SP140L: variants seen among roughly 807,000 people sequenced by gnomAD.
SP140L encodes SP140 like nuclear body protein.
In SP140L, 64 loss-of-function variants were observed where a neutral mutation model predicts 84.3. The observed-to-expected ratio is 0.76, with a 90% confidence interval of 0.62 to 0.94. The LOEUF (loss-of-function observed/expected upper bound fraction) is 0.94, where lower values mean the gene tolerates loss of function less well. Ranked by LOEUF, SP140L falls within the 40% of genes least tolerant of loss-of-function variation. SP140L has a pLI of 0.00. For missense variants in SP140L, 628 were observed against 692.5 expected, an observed-to-expected ratio of 0.91 and a Z score of 1.05; for synonymous variants, 242 against 236.9, an observed-to-expected ratio of 1.02 and a Z score of -0.20.
chr2:230,381,711 TACACACACACACACACACAC>T (rs71052506), intron 7 of SP140L, among the ~76,000 whole-genome samples: 5 of 147,056 alleles, frequency 3.4e-5, no homozygotes, highest in African/African-American at 1.0e-4. Flanking sequence ...CCTGTCTCTC[TACACACACACACACACACAC>T]ACACACACAC....
intron 2 of SP140L, 101 bp downstream of exon 2, chr2:230,328,932 T>A: frequency 6.9e-7 from 1 of 1,444,842 alleles, no homozygotes; most frequent in South Asian, 1.5e-5. Context: ...TCCTCTTCCA[T>A]AATTTTTTTG....
At chr2:230,391,982 ATCT>A (rs1161299321) in intron 11 of SP140L, 102 bp from the exon 12 acceptor site, 2 of 1,499,094 alleles carry the variant, frequency 1.3e-6, no homozygotes, top group Non-Finnish European at 9.1e-7. Flanking sequence ...CCTGCTATTG[ATCT>A]TCATCACAAA....
At position 230,374,844 on chromosome 2, in the gene SP140L, A is replaced by G. The variant is rs138440906; in HGVS notation, c.637+3193A>G. Among the ~76,000 whole-genome samples the G allele has an allele frequency of 5.2e-3, 791 of 152,354 alleles. 2 individuals carry two copies. The highest frequency in any genetic ancestry group is 0.018 in the African/African-American group (754 of 41,582). ...AATGCTATTGAATACTTAATAGACT[A>G]CAGTATAGTATAAACATAATTTTCA... On this transcript the variant is annotated intron_variant, in intron 7 of 18. Transcript: ENST00000415673.
chr2:230,327,231 G>T lies in SP140L; in HGVS notation c.-39G>T, dbSNP rs778770058. 2 of 1,596,772 alleles carry T rather than the reference G, an allele frequency of 1.3e-6. No homozygotes were observed. The highest frequency in any genetic ancestry group is 1.7e-5 in the Admixed American group (1 of 57,376). The stretch of plus-strand genomic sequence containing the variant: ...GCTGGGCCGACTGGGGAGCTCATAG[G>T]CCAGGCTCTGACACCCAGGCAGGGC... On this transcript the variant is annotated 5_prime_UTR_variant, in exon 1 of 19. Transcript: ENST00000415673.
At chr2:230,382,822 T>C (rs768886359) in intron 7 of SP140L, among the ~76,000 whole-genome samples, 1 of 152,150 alleles carries the variant, frequency 6.6e-6, no homozygotes, top group Non-Finnish European at 1.5e-5. Context: ...TGCCCTCCCA[T>C]AGTGTGCAGA....
At chr2:230,395,061 C>CAGGTTCA (rs144096854) in intron 13 of SP140L, among the ~76,000 whole-genome samples, 40,427 of 151,482 alleles carry the variant, frequency 0.27, 5,723 homozygotes, top group Non-Finnish European at 0.31. Context: ...CTCAGCCTCG[C>CAGGTTCA]AGGTTCAAGC....
chr2:230,373,828 T>C (rs1337972510), intron 7 of SP140L, among the ~76,000 whole-genome samples: 1 of 152,204 alleles, frequency 6.6e-6, no homozygotes, highest in African/African-American at 2.4e-5. Context: ...GCAAAGTCAA[T>C]TGGAAACCTT....
At chr2:230,355,796 A>T (rs985381848) in intron 2 of SP140L, among the ~76,000 whole-genome samples, 4 of 152,176 alleles carry the variant, frequency 2.6e-5, no homozygotes, top group African/African-American at 9.6e-5. Context: ...TAAAGTCATT[A>T]ATTATAAAAG....
chr2:230,329,881 A>G (rs1207160694), intron 2 of SP140L, among the ~76,000 whole-genome samples: 1 of 152,146 alleles, frequency 6.6e-6, no homozygotes, highest in African/African-American at 2.4e-5. Flanking sequence ...ATTTTTGAGG[A>G]GGGATCTTAA....
intron 2 of SP140L, among the ~76,000 whole-genome samples, chr2:230,345,089 G>A (rs2060170245): frequency 6.6e-6 from 1 of 152,188 alleles, no homozygotes; most frequent in South Asian, 2.1e-4. Context: ...ATTGTTAAGG[G>A]TGAGGTATTA....
chr2:230,393,470 T>A lies in SP140L; in HGVS notation c.1155+9T>A. ...ATTACAGGAACAAAAAGGTGATTATTACATAATTTTCTACAGATTCTTGTC... is the reference window on the plus strand; with the variant it reads ...ATTACAGGAACAAAAAGGTGATTATAACATAATTTTCTACAGATTCTTGTC... On this transcript the variant is annotated intron_variant, in intron 13 of 18. Coordinates refer to ENST00000415673, the MANE Select transcript of SP140L (RefSeq NM_138402.6). The A allele has an allele frequency of 6.4e-7, 1 of 1,564,756 alleles. No individual in the cohort carries two copies.
At chr2:230,357,688 AC>A (rs2149730245) in intron 2 of SP140L, 116 bp from the exon 3 acceptor site, 10 of 990,706 alleles carry the variant, frequency 1.0e-5, no homozygotes, top group South Asian at 1.7e-5. Flanking sequence ...ACTGAGGACC[AC>A]CTATTTTATA....
intron 2 of SP140L, among the ~76,000 whole-genome samples, chr2:230,344,768 G>A (rs1006338245): frequency 6.6e-5 from 10 of 151,956 alleles, no homozygotes; most frequent in Admixed American, 1.3e-4. Flanking sequence ...TGACCTATTG[G>A]ATATTCAAGA....
chr2:230,349,491 C>T (rs1390760751), intron 2 of SP140L, among the ~76,000 whole-genome samples: 2 of 152,136 alleles, frequency 1.3e-5, no homozygotes, highest in East Asian at 3.9e-4. Flanking sequence ...TCTTCCAATC[C>T]ATGAACATGG....
At chr2:230,383,328 C>T (rs1396534549) in intron 7 of SP140L, among the ~76,000 whole-genome samples, 182 bp from the exon 8 acceptor site, 1 of 152,188 alleles carries the variant, frequency 6.6e-6, no homozygotes, top group Non-Finnish European at 1.5e-5. Flanking sequence ...TGGCCCAAGG[C>T]TCATGCAGAA....
intron 11 of SP140L, 146 bp downstream of exon 11, chr2:230,390,169 A>C: frequency 1.4e-6 from 1 of 694,690 alleles, no homozygotes. Flanking sequence ...CCCTAAGATG[A>C]CATTTTAAGA....
At chr2:230,400,764 C>A in intron 15 of SP140L, 191 bp from the exon 16 acceptor site, 1 of 1,332,128 alleles carries the variant, frequency 7.5e-7, no homozygotes, top group Non-Finnish European at 1.0e-6. Flanking sequence ...CCTCCTGCTG[C>A]TACCACTGAT....
intron 7 of SP140L, among the ~76,000 whole-genome samples, chr2:230,372,963 T>G (rs1049997511): frequency 6.6e-6 from 1 of 152,222 alleles, no homozygotes; most frequent in Non-Finnish European, 1.5e-5. Flanking sequence ...ATTGCTGATG[T>G]GGAGAAAGTT....
chr2:230,340,487 T>C (rs1231295371), intron 2 of SP140L, among the ~76,000 whole-genome samples: 1 of 147,728 alleles, frequency 6.8e-6, no homozygotes, highest in Admixed American at 6.8e-5. Context: ...TTTAGTCCAT[T>C]TACATTTAAA....
Sources: gnomAD v4.1 joint callset for allele counts (sites outside exome capture counted in the v4.1 genomes callset) on GRCh38, gnomAD v4.1.1 for gene constraint, MANE v1.5 for transcripts, NCBI Gene and HGNC (gene_info 2026-07-23, HGNC 2026-07-21) for gene names.